The following TMEM135 variants were observed in gnomAD, a reference collection of about 807,000 sequenced individuals.
TMEM135 encodes peroxisomal membrane protein 52.
Under a neutral mutation model 60.3 loss-of-function variants are expected in TMEM135, and 30 were observed. That is an observed-to-expected ratio of 0.50 (90% CI 0.37 to 0.68). The LOEUF (loss-of-function observed/expected upper bound fraction) is 0.68, where lower values mean the gene tolerates loss of function less well. Ranked by LOEUF, TMEM135 falls within the 30% of genes least tolerant of loss-of-function variation. The probability of loss-of-function intolerance (pLI) is 0.00; values close to 1 mark genes in which losing one functional copy is unlikely to be tolerated. For missense variants in TMEM135, 468 were observed against 548.8 expected, an observed-to-expected ratio of 0.85 and a Z score of 1.47; for synonymous variants, 190 against 186.7, an observed-to-expected ratio of 1.02 and a Z score of -0.14.
At chr11:87,303,957 C>T (rs552814247) in intron 8 of TMEM135, among the ~76,000 whole-genome samples, 1 of 152,268 alleles carries the variant, frequency 6.6e-6, no homozygotes, top group African/African-American at 2.4e-5. Flanking sequence ...ATGCAGAATA[C>T]TACAGAAGCA....
chr11:87,109,144 AGT>A (rs1264449138), intron 4 of TMEM135, among the ~76,000 whole-genome samples: 1 of 152,168 alleles, frequency 6.6e-6, no homozygotes, highest in East Asian at 1.9e-4. Flanking sequence ...ATCATTTTAG[AGT>A]GTGTACATAT....
intron 6 of TMEM135, among the ~76,000 whole-genome samples, chr11:87,285,278 A>C (rs1010520218): frequency 6.6e-6 from 1 of 152,250 alleles, no homozygotes; most frequent in African/African-American, 2.4e-5. Flanking sequence ...GGTTTTTAAA[A>C]ACAGAATAAG....
intron 6 of TMEM135, among the ~76,000 whole-genome samples, chr11:87,264,001 T>C (rs1941702372): frequency 6.6e-6 from 1 of 152,002 alleles, no homozygotes; most frequent in Non-Finnish European, 1.5e-5. Flanking sequence ...TTAAGGAAGA[T>C]AGAAGTTTGG....
At chr11:87,274,389 G>A (rs1393529336) in intron 6 of TMEM135, among the ~76,000 whole-genome samples, 1 of 152,090 alleles carries the variant, frequency 6.6e-6, no homozygotes, top group Non-Finnish European at 1.5e-5. Flanking sequence ...TCCCTCAAAT[G>A]TTTTCTCTCT....
intron 4 of TMEM135, among the ~76,000 whole-genome samples, chr11:87,153,199 T>C (rs761016350): frequency 6.6e-6 from 1 of 152,192 alleles, no homozygotes; most frequent in Non-Finnish European, 1.5e-5. Flanking sequence ...TAAAAGCACA[T>C]ATTGAACAGA....
At chr11:87,180,001 C>T (rs2135301537) in intron 5 of TMEM135, among the ~76,000 whole-genome samples, 1 of 152,202 alleles carries the variant, frequency 6.6e-6, no homozygotes, top group Non-Finnish European at 1.5e-5. Flanking sequence ...GCTTGGACTC[C>T]AGGGCATCTT....
chr11:87,139,516 A>C (rs74384961), intron 4 of TMEM135, among the ~76,000 whole-genome samples: 1 of 152,098 alleles, frequency 6.6e-6, no homozygotes, highest in African/African-American at 2.4e-5. Flanking sequence ...TGGCTTTTCT[A>C]TAGCTCATAT....
At chr11:87,270,451 T>C (rs1293820938) in intron 6 of TMEM135, among the ~76,000 whole-genome samples, 2 of 152,190 alleles carry the variant, frequency 1.3e-5, no homozygotes, top group Admixed American at 1.3e-4. Flanking sequence ...AGAAGGGGAA[T>C]GTGTTAAAAA....
At chr11:87,115,089 G>A (rs974439004) in intron 4 of TMEM135, among the ~76,000 whole-genome samples, 1 of 152,046 alleles carries the variant, frequency 6.6e-6, no homozygotes, top group African/African-American at 2.4e-5. Context: ...CAAAGATGGG[G>A]GCTGATTAAG....
chr11:87,039,037 T>C (rs922473086), intron 1 of TMEM135, among the ~76,000 whole-genome samples: 1 of 152,242 alleles, frequency 6.6e-6, no homozygotes, highest in Admixed American at 6.5e-5. Flanking sequence ...TTTCTTGCCT[T>C]ACAGTTTGTG....
chr11:87,266,602 C>G (rs1167781630), intron 6 of TMEM135, among the ~76,000 whole-genome samples: 4 of 152,042 alleles, frequency 2.6e-5, no homozygotes, highest in African/African-American at 9.7e-5. Flanking sequence ...ATAGCTTTAA[C>G]TACTATCTAA....
intron 5 of TMEM135, among the ~76,000 whole-genome samples, chr11:87,198,617 C>T (rs993684980): frequency 1.4e-5 from 2 of 141,774 alleles, no homozygotes; most frequent in African/African-American, 5.1e-5. Context: ...TCCTTTCCAT[C>T]TCCTCTTTCT....
chr11:87,136,872 A>G (rs899489426), intron 4 of TMEM135, among the ~76,000 whole-genome samples: 6 of 151,986 alleles, frequency 3.9e-5, no homozygotes, highest in African/African-American at 1.4e-4. Flanking sequence ...TGATAATGGT[A>G]ATTTGTGCCT....
intron 6 of TMEM135, among the ~76,000 whole-genome samples, chr11:87,246,837 C>G (rs1941287516): frequency 8.7e-6 from 1 of 114,810 alleles, no homozygotes; most frequent in Non-Finnish European, 1.9e-5. Context: ...TGTCTGAAGG[C>G]TTCTTCTCTC....
At chr11:87,168,875 C>T (rs1232726581) in intron 5 of TMEM135, among the ~76,000 whole-genome samples, 3 of 151,924 alleles carry the variant, frequency 2.0e-5, no homozygotes, top group East Asian at 1.9e-4. Flanking sequence ...TTTTCTGTCT[C>T]GTTGATCTAA....
intron 3 of TMEM135, among the ~76,000 whole-genome samples, chr11:87,079,327 A>G (rs151197448): frequency 1.8e-4 from 27 of 152,282 alleles, no homozygotes; most frequent in Non-Finnish European, 3.1e-4. Context: ...TAAAAGTTGT[A>G]TAGTTTTAGT....
intron 3 of TMEM135, among the ~76,000 whole-genome samples, chr11:87,073,468 A>G (rs761685956): frequency 6.6e-6 from 1 of 152,190 alleles, no homozygotes; most frequent in Non-Finnish European, 1.5e-5. Flanking sequence ...GGATTGGTGA[A>G]TGTTATAACC....
In TMEM135 at chr11:87,327,417, G is replaced by A. The variant is rs889438721; in HGVS notation, c.*6084G>A. On this transcript the variant is annotated 3_prime_UTR_variant, in exon 15 of 15. Coordinates refer to ENST00000305494, the MANE Select transcript of TMEM135 (RefSeq NM_022918.4). ...CTGCTTCTGTGAGCCACTGAATGGT[G>A]CCATTAACCATCTGCATTTGAGCAT... The A allele has an allele frequency of 2.2e-6, 1 of 453,944 alleles. No homozygotes were observed. Among genetic ancestry groups the A allele is most frequent in the East Asian group, 6.9e-5 (1 of 14,396 alleles). The allele number at this position is 453,944 out of a possible 1,614,324, so 28.1% of individuals were successfully genotyped here.
chr11:87,293,383 T>G (rs1942298076), intron 6 of TMEM135, among the ~76,000 whole-genome samples: 1 of 125,616 alleles, frequency 8.0e-6, no homozygotes. Context: ...TAAGTGTTTT[T>G]TTTTCTTCTT....
Sources: gnomAD v4.1 joint callset for allele counts (sites outside exome capture counted in the v4.1 genomes callset) on GRCh38, gnomAD v4.1.1 for gene constraint, MANE v1.5 for transcripts, NCBI Gene and HGNC (gene_info 2026-07-23, HGNC 2026-07-21) for gene names.